GRID2: variants seen among roughly 807,000 people sequenced by gnomAD.
GRID2 encodes glutamate ionotropic receptor delta type subunit 2.
GRID2 carries 33 observed loss-of-function variants against 114.8 expected under a neutral mutation model. The observed-to-expected ratio is 0.29, with a 90% CI of 0.22 to 0.38. GRID2 has a LOEUF of 0.38. GRID2 is among the 10% of genes least tolerant of loss of function. The pLI, the probability that GRID2 is intolerant of heterozygous loss-of-function variation, is 1.00. For missense variants in GRID2, 1,184 were observed against 1,257.7 expected, an observed-to-expected ratio of 0.94 and a Z score of 0.89; for synonymous variants, 505 against 449.9, an observed-to-expected ratio of 1.12 and a Z score of -1.55.
At chr4:93,462,262 A>G (rs1044463234) in intron 11 of GRID2, among the ~76,000 whole-genome samples, 3 of 152,178 alleles carry the variant, frequency 2.0e-5, no homozygotes, top group Admixed American at 6.5e-5. Flanking sequence ...CAGTTCTTGC[A>G]GGAGTGTTCA....
intron 2 of GRID2, among the ~76,000 whole-genome samples, chr4:92,985,198 T>G (rs2149194125): frequency 6.6e-6 from 1 of 152,060 alleles, no homozygotes; most frequent in South Asian, 2.1e-4. Flanking sequence ...TTATAATTTC[T>G]TATATATTTA....
chr4:93,221,164 A>G (rs902964014), intron 6 of GRID2, among the ~76,000 whole-genome samples: 1 of 152,156 alleles, frequency 6.6e-6, no homozygotes, highest in Non-Finnish European at 1.5e-5. Context: ...AAGAGATCTA[A>G]TGTCTTACAC....
chr4:93,341,683 A>G (rs2149247102), intron 8 of GRID2, among the ~76,000 whole-genome samples: 1 of 152,244 alleles, frequency 6.6e-6, no homozygotes, highest in Non-Finnish European at 1.5e-5. Flanking sequence ...GAAACTCAAC[A>G]TGACATGACA....
chr4:93,399,079 G>A (rs887542037), intron 9 of GRID2, among the ~76,000 whole-genome samples: 2 of 151,836 alleles, frequency 1.3e-5, no homozygotes, highest in East Asian at 1.9e-4. Context: ...CTGAAACTAG[G>A]ATTTAATCTA....
chr4:93,282,560 G>A (rs1018030890), intron 8 of GRID2, among the ~76,000 whole-genome samples: 9 of 151,912 alleles, frequency 5.9e-5, no homozygotes, highest in Non-Finnish European at 8.8e-5. Context: ...TTGTGATAAT[G>A]GCATTAATCA....
At chr4:92,940,280 A>G (rs1221782246) in intron 2 of GRID2, among the ~76,000 whole-genome samples, 2 of 147,062 alleles carry the variant, frequency 1.4e-5, no homozygotes, top group African/African-American at 4.9e-5. Context: ...GAGGTCCTTC[A>G]CATCCCTTGT....
intron 14 of GRID2, among the ~76,000 whole-genome samples, chr4:93,658,829 G>A (rs1284891265): frequency 6.6e-6 from 1 of 152,144 alleles, no homozygotes; most frequent in Admixed American, 6.6e-5. Flanking sequence ...TTTTTATATA[G>A]GGAAACTGAA....
At chr4:93,600,374 A>G (rs541742465) in intron 13 of GRID2, among the ~76,000 whole-genome samples, 56 of 152,320 alleles carry the variant, frequency 3.7e-4, no homozygotes, top group South Asian at 1.7e-3. Flanking sequence ...ATCAATAATG[A>G]AAAGACAAAT....
chr4:92,429,879 C>A (rs1250243499), intron 1 of GRID2, among the ~76,000 whole-genome samples: 2 of 152,034 alleles, frequency 1.3e-5, no homozygotes, highest in African/African-American at 4.8e-5. Flanking sequence ...TTTCATGTAC[C>A]TGTTTGTTGT....
At chr4:93,095,911 C>T (rs1731184673) in intron 3 of GRID2, among the ~76,000 whole-genome samples, 1 of 151,940 alleles carries the variant, frequency 6.6e-6, no homozygotes, top group Non-Finnish European at 1.5e-5. Flanking sequence ...CTGATCCTAA[C>T]ATTGTGTAAA....
intron 2 of GRID2, among the ~76,000 whole-genome samples, chr4:92,979,677 A>G (rs1754075792): frequency 6.6e-6 from 1 of 152,186 alleles, no homozygotes; most frequent in South Asian, 2.1e-4. Flanking sequence ...TGATGCACAG[A>G]AAGGTTAATA....
chr4:92,476,177 C>G (rs897858382), intron 1 of GRID2, among the ~76,000 whole-genome samples: 1 of 151,988 alleles, frequency 6.6e-6, no homozygotes, highest in African/African-American at 2.4e-5. Context: ...AGGCGCCTGG[C>G]ACCATGCCCG....
At chr4:93,483,631 A>G (rs1726083819) in intron 11 of GRID2, among the ~76,000 whole-genome samples, 1 of 152,040 alleles carries the variant, frequency 6.6e-6, no homozygotes. Context: ...ACTTGCCTGA[A>G]GAAATTGCTT....
intron 2 of GRID2, among the ~76,000 whole-genome samples, chr4:92,847,087 T>A (rs1743380885): frequency 6.6e-6 from 1 of 152,112 alleles, no homozygotes. Flanking sequence ...AGTCAATCCA[T>A]GGCCATTTTA....
Position 92,549,122 on chromosome 4 carries a change from C to CAAAA in GRID2, c.89-40995_89-40992dup, listed in dbSNP as rs35094573. 2.3e-3 allele frequency among the ~76,000 whole-genome samples: 254 copies of CAAAA among 111,982 alleles called. 3 individuals carry two copies. The highest frequency in any genetic ancestry group is 5.1e-3 in the Middle Eastern group (1 of 198). The allele number at this position is 111,982 out of a possible 152,430, so 73.5% of individuals were successfully genotyped here. A position where few individuals can be genotyped will look rare whatever the true frequency, so the allele number is the denominator to read the frequency against. On this transcript the variant is annotated intron_variant, in intron 1 of 15. Transcript: ENST00000282020. The stretch of plus-strand genomic sequence containing the variant: ...GAGCTAAAGATTTTTAGGTCTTCCG[C>CAAAA]AAAAAAAAAAAAAAAAATGAACACT...
intron 10 of GRID2, among the ~76,000 whole-genome samples, chr4:93,425,039 A>G (rs999991321): frequency 3.9e-5 from 6 of 152,006 alleles, no homozygotes; most frequent in African/African-American, 9.7e-5. Flanking sequence ...TTCTGCTGAG[A>G]TTTCCTATCT....
intron 2 of GRID2, among the ~76,000 whole-genome samples, chr4:92,868,928 T>A (rs1454946026): frequency 6.6e-6 from 1 of 152,186 alleles, no homozygotes; most frequent in African/African-American, 2.4e-5. Context: ...GAAATGTAAA[T>A]AAGGGATTTC....
At chr4:93,024,187 C>T (rs528367508) in intron 2 of GRID2, among the ~76,000 whole-genome samples, 5 of 151,668 alleles carry the variant, frequency 3.3e-5, no homozygotes, top group Admixed American at 6.6e-5. Flanking sequence ...ATCATTTTTG[C>T]TCCCTTAGCC....
chr4:92,812,612 T>C (rs2149380131), intron 2 of GRID2, among the ~76,000 whole-genome samples: 1 of 152,258 alleles, frequency 6.6e-6, no homozygotes, highest in Middle Eastern at 3.4e-3. Context: ...AGCAACTTTA[T>C]ATGGTGATTT....
Sources: allele counts gnomAD v4.1 joint callset (sites outside exome capture counted in the v4.1 genomes callset), GRCh38; gene constraint gnomAD v4.1.1; transcripts MANE v1.5; gene names NCBI Gene and HGNC (gene_info 2026-07-23, HGNC 2026-07-21).